IL1R1: variants seen among roughly 807,000 people sequenced by gnomAD.
IL1R1 encodes interleukin 1 receptor type 1.
In IL1R1, 22 loss-of-function variants were observed where a neutral mutation model predicts 50.2. That is an observed-to-expected ratio of 0.44 (90% CI 0.31 to 0.63). IL1R1 has a LOEUF of 0.63. IL1R1 is among the 20% of genes least tolerant of loss of function. The pLI, the probability that IL1R1 is intolerant of heterozygous loss-of-function variation, is 0.07. For synonymous variants in IL1R1, 251 were observed against 236.7 expected (o/e 1.06, Z -0.55); for missense variants, 509 against 676.2 (o/e 0.75, Z 2.74).
chr2:102,080,611 C>T (rs1209129466), intron 1 of IL1R1, among the ~76,000 whole-genome samples: 1 of 152,166 alleles, frequency 6.6e-6, no homozygotes, highest in Non-Finnish European at 1.5e-5. Flanking sequence ...TCATTTATTA[C>T]TGGAAGGAAT....
At chr2:102,086,266 C>T (rs964246215) in intron 1 of IL1R1, among the ~76,000 whole-genome samples, 1 of 152,090 alleles carries the variant, frequency 6.6e-6, no homozygotes, top group African/African-American at 2.4e-5. Flanking sequence ...TATGTTGTTC[C>T]AATGCCTTTT....
intron 1 of IL1R1, among the ~76,000 whole-genome samples, chr2:102,075,291 G>A (rs369117230): frequency 6.6e-6 from 1 of 152,160 alleles, no homozygotes; most frequent in Non-Finnish European, 1.5e-5. Flanking sequence ...ACAGGAAAAT[G>A]TTTCCATTCA....
rs201324370 is a variant in IL1R1, at chr2:102,171,918, G to C, written c.839G>C (p.Ser280Thr). The C allele has an allele frequency of 4.0e-5, 59 of 1,468,218 alleles. No individual in the cohort carries two copies. Among genetic ancestry groups the C allele is most frequent in the Non-Finnish European group, 5.4e-5 (57 of 1,055,820 alleles). The allele number at this position is 1,468,218 out of a possible 1,614,324, so 90.9% of individuals were successfully genotyped here. ...CCAGTGCTAGGGGAAGACTATTACA[G>C]GTATGTATGCTAAGAGTTATTCACA... ...DDPVLGEDYY[S>T]VENPANKRRS... The change falls in exon 8 of 12, where the codon AGT becomes ACT. Residue 280 changes from serine (S) to threonine (T), a missense_variant and splice_region_variant. By Grantham distance (58) the Ser-to-Thr change is moderately conservative. Transcript: ENST00000410023.
chr2:102,083,059 T>G (rs979308841), intron 1 of IL1R1, among the ~76,000 whole-genome samples: 4 of 152,146 alleles, frequency 2.6e-5, no homozygotes, highest in African/African-American at 7.2e-5. Context: ...GGTAAGCTTC[T>G]GTAGGGCTGG....
At chr2:102,156,164 G>C (rs1223860222) in intron 2 of IL1R1, 1 of 152,530 alleles carries the variant, frequency 6.6e-6, no homozygotes, top group Non-Finnish European at 1.5e-5. Flanking sequence ...CACACTTCAC[G>C]CAGTCACAGA....
chr2:102,100,699 A>C (rs769076404), upstream of IL1R1, among the ~76,000 whole-genome samples: 2 of 152,160 alleles, frequency 1.3e-5, no homozygotes, highest in Non-Finnish European at 2.9e-5. Flanking sequence ...CTATCCCTGT[A>C]ATCATTCATC....
chr2:102,164,668 T>C lies in IL1R1; in HGVS notation c.62-106T>C, dbSNP rs894242638. The C allele has an allele frequency of 4.2e-6, 3 of 709,902 alleles. No homozygotes were observed. The African/African-American group carries it at 5.4e-5, about 13-fold the overall frequency. The allele number at this position is 709,902 out of a possible 1,614,324, so 44.0% of individuals were successfully genotyped here. A position where few individuals can be genotyped will look rare whatever the true frequency, so the allele number is the denominator to read the frequency against. The stretch of plus-strand genomic sequence containing the variant: ...AAGGCTGTAAAGCTTTTATATGTAA[T>C]GTGAATTGATGTATTTAATAATCAA... On this transcript the variant is annotated intron_variant, in intron 3 of 11. Transcript: ENST00000410023.
intron 3 of IL1R1, among the ~76,000 whole-genome samples, chr2:102,159,252 A>G (rs986313821): frequency 6.6e-6 from 1 of 152,228 alleles, no homozygotes; most frequent in African/African-American, 2.4e-5. Context: ...ATGAGACTGA[A>G]TGGGATCATG....
In IL1R1 at chr2:102,171,805, C is replaced by A; in HGVS notation, c.726C>A (p.Ser242=). The A allele has an allele frequency of 6.4e-7, 1 of 1,567,022 alleles. No homozygotes were observed. Residue 242 remains serine (S), a synonymous_variant, in exon 8 of 12, where the codon TCC becomes TCA. Coordinates refer to ENST00000410023, the MANE Select transcript of IL1R1 (RefSeq NM_000877.4). ...ANETMEVDLG[S]QIQLICNVTG... is the part of the protein sequence containing the mutation. ...TTAAAAATACATTCTTTGCAGGATCCCAGATACAATTGATCTGTAATGTCA... is the reference window on the plus strand; with the variant it reads ...TTAAAAATACATTCTTTGCAGGATCACAGATACAATTGATCTGTAATGTCA...
At chr2:102,150,127 G>A (rs1553632304) in intron 1 of IL1R1, among the ~76,000 whole-genome samples, 3 of 152,200 alleles carry the variant, frequency 2.0e-5, no homozygotes, top group Non-Finnish European at 2.9e-5. Flanking sequence ...GTGGAGGAAC[G>A]TTGTGGGAAA....
chr2:102,096,520 G>A (rs989312108), intron 1 of IL1R1, among the ~76,000 whole-genome samples: 3 of 151,810 alleles, frequency 2.0e-5, no homozygotes, highest in Admixed American at 6.6e-5. Context: ...TTTCTATTCT[G>A]TAAAATGCCT....
chr2:102,159,711 G>C (rs1684530155), intron 3 of IL1R1, among the ~76,000 whole-genome samples: 1 of 152,134 alleles, frequency 6.6e-6, no homozygotes, highest in East Asian at 1.9e-4. Flanking sequence ...TGACTTTGAG[G>C]ACCTGCCAGT....
At chr2:102,166,082 G>T in intron 5 of IL1R1, 31 bp from the exon 6 acceptor site, 1 of 1,590,554 alleles carries the variant, frequency 6.3e-7, no homozygotes, top group Non-Finnish European at 8.6e-7. Context: ...TTGGTTATTG[G>T]TTTTCAATGC....
chr2:102,096,811 C>G (rs956649452), intron 1 of IL1R1, among the ~76,000 whole-genome samples: 1 of 148,332 alleles, frequency 6.7e-6, no homozygotes, highest in African/African-American at 2.5e-5. Flanking sequence ...TAAATATATT[C>G]TTTTGTATTT....
At chr2:102,100,544 T>C (rs917367164), upstream of IL1R1, among the ~76,000 whole-genome samples, 6 of 152,238 alleles carry the variant, frequency 3.9e-5, no homozygotes, top group African/African-American at 9.6e-5. Context: ...TCTGATTCAC[T>C]AAGTTCACAG....
chr2:102,125,289 C>A (rs1467865748), intron 1 of IL1R1, among the ~76,000 whole-genome samples: 1 of 152,170 alleles, frequency 6.6e-6, no homozygotes, highest in African/African-American at 2.4e-5. Context: ...CTTGTCTCAA[C>A]AACAAACAAA....
intron 3 of IL1R1, 47 bp from the exon 4 acceptor site, chr2:102,164,727 C>A: frequency 7.9e-7 from 1 of 1,271,506 alleles, no homozygotes; most frequent in Non-Finnish European, 1.1e-6. Flanking sequence ...TCAAGACACA[C>A]TGGCAGATTT....
intron 6 of IL1R1, 144 bp from the exon 7 acceptor site, chr2:102,168,454 C>T: frequency 1.5e-6 from 1 of 685,800 alleles, no homozygotes; most frequent in Non-Finnish European, 2.7e-6. Context: ...TCACTTTCTG[C>T]CTCCTGTCTC....
rs886664188 is a variant in IL1R1, at chr2:102,174,692, G to A, written c.1097G>A (p.Trp366Ter). ...ATCTTCAAGATTGACATTGTGCTTT[G>A]GTACAGGGATTCCTGCTATGATTTT... ...YKIFKIDIVL[W>*]YRDSCYDFLP... Residue 366 changes from tryptophan to a stop codon, truncating the protein, a stop_gained, in exon 10 of 12, where the codon TGG (tryptophan) becomes TAG (stop). Coordinates refer to ENST00000410023, the MANE Select transcript of IL1R1 (RefSeq NM_000877.4). LOFTEE classifies it high-confidence loss of function. 1 of 1,610,240 alleles carries A rather than the reference G, an allele frequency of 6.2e-7. No homozygotes were observed. Among genetic ancestry groups the A allele is most frequent in the Non-Finnish European group, 8.5e-7 (1 of 1,178,706 alleles).
Sources: gnomAD v4.1 joint callset for allele counts (sites outside exome capture counted in the v4.1 genomes callset) on GRCh38, gnomAD v4.1.1 for gene constraint, MANE v1.5 for transcripts, NCBI Gene and HGNC (gene_info 2026-07-23, HGNC 2026-07-21) for gene names.